The following PTPRN2 variants were observed in gnomAD, a reference collection of about 807,000 sequenced individuals.
PTPRN2 encodes the protein protein tyrosine phosphatase receptor type N2.
A neutral mutation model predicts 118.8 loss-of-function variants in PTPRN2; 74 were observed. The observed-to-expected ratio is 0.62, with a 90% CI of 0.52 to 0.76. PTPRN2 has a LOEUF of 0.76. Among genes scored for constraint, PTPRN2 ranks in the 30% least tolerant of loss-of-function variants. PTPRN2 has a pLI of 0.00. For missense variants in PTPRN2, 1,481 were observed against 1,394.4 expected (o/e 1.06, Z -0.99); for synonymous variants, 641 against 608.0 (o/e 1.05, Z -0.80).
intron 11 of PTPRN2, among the ~76,000 whole-genome samples, chr7:157,934,472 G>T (rs879684733): frequency 3.9e-5 from 6 of 152,208 alleles, no homozygotes; most frequent in Admixed American, 3.9e-4. Context: ...GAGTCAACTG[G>T]CACATCGGCT....
At chr7:157,952,865 G>C (rs908002458) in intron 11 of PTPRN2, among the ~76,000 whole-genome samples, 2 of 152,140 alleles carry the variant, frequency 1.3e-5, no homozygotes, top group Non-Finnish European at 2.9e-5. Context: ...GTGTCCCTGG[G>C]TACAGCAGAC....
At chr7:158,358,231 G>T (rs571204803) in intron 2 of PTPRN2, among the ~76,000 whole-genome samples, 2 of 152,170 alleles carry the variant, frequency 1.3e-5, no homozygotes, top group Non-Finnish European at 2.9e-5. Context: ...CCTTTCTTCC[G>T]GCCTGGTCTT....
In PTPRN2 at chr7:157,763,863, C is replaced by T. The variant is rs1290267172; in HGVS notation, c.1789-80926G>A. Among the ~76,000 whole-genome samples, 1 of 152,138 alleles carries T rather than the reference C, an allele frequency of 6.6e-6. No homozygotes were observed. Among genetic ancestry groups the T allele is most frequent in the African/African-American group, 2.4e-5 (1 of 41,440 alleles). ...TGCCCCATGTGGCTGCCCCATCCCCCAGAGCACCACGGTGCCCACCTTTTG... is the reference window on the plus strand; with the variant it reads ...TGCCCCATGTGGCTGCCCCATCCCCTAGAGCACCACGGTGCCCACCTTTTG... On this transcript the variant is annotated intron_variant, in intron 12 of 22. Coordinates refer to ENST00000389418, the MANE Select transcript of PTPRN2 (RefSeq NM_002847.5). The surrounding 1 kb of genome is among the most constrained non-coding windows in gnomAD (Gnocchi z 4.9).
chr7:157,860,316 G>A (rs1244610535), intron 12 of PTPRN2, among the ~76,000 whole-genome samples: 1 of 152,162 alleles, frequency 6.6e-6, no homozygotes, highest in Non-Finnish European at 1.5e-5. Context: ...CTCTCTCTAG[G>A]GATGTCCACG....
chr7:158,026,492 T>C (rs4716884), intron 11 of PTPRN2, among the ~76,000 whole-genome samples: 124,115 of 152,194 alleles, frequency 0.82, 51,155 homozygotes, highest in Non-Finnish European at 0.89. Context: ...GCTATATGCA[T>C]CCTTATTGAT....
In PTPRN2 at chr7:158,539,024, A is replaced by G. The variant is rs115437688; in HGVS notation, c.112+48534T>C. Among the ~76,000 whole-genome samples, 761 of 152,286 alleles carry G rather than the reference A, an allele frequency of 5.0e-3. 3 individuals carry two copies. The highest frequency in any genetic ancestry group is 0.018 in the African/African-American group (732 of 41,562). On this transcript the variant is annotated intron_variant, in intron 1 of 22. Coordinates refer to ENST00000389418, the MANE Select transcript of PTPRN2 (RefSeq NM_002847.5). ...ATGGAGGGGTTTCCCTTCACCCCTC[A>G]GCGCTCTGGAGGGAACGACAACTGC...
chr7:157,737,298 G>A (rs1430683374), intron 12 of PTPRN2, among the ~76,000 whole-genome samples: 1 of 152,172 alleles, frequency 6.6e-6, no homozygotes, highest in Non-Finnish European at 1.5e-5. Context: ...CTGTGTGGAC[G>A]CGGCCCCCAG....
At position 157,787,081 on chromosome 7, in the gene PTPRN2, ACGCGGGGG is replaced by A. The variant is rs1804097639; in HGVS notation, c.1789-104152_1789-104145del. Among the ~76,000 whole-genome samples the A allele has an allele frequency of 7.0e-5, 8 of 114,766 alleles. No homozygotes were observed. Among genetic ancestry groups the A allele is most frequent in the Admixed American group, 2.5e-4 (3 of 11,794 alleles). The allele number at this position is 114,766 out of a possible 152,430, so 75.3% of individuals were successfully genotyped here. On this transcript the variant is annotated intron_variant, in intron 12 of 22. Coordinates refer to ENST00000389418, the MANE Select transcript of PTPRN2 (RefSeq NM_002847.5). This position sits in a 1 kb window ranked among gnomAD's most constrained non-coding sequence, Gnocchi z 5.3. ...GAGGCGGACGCGGGTGCGGCGGGGG[ACGCGGGGG>A]TGGCTGCCCGGGAGGCGGACGCGGG...
intron 16 of PTPRN2, among the ~76,000 whole-genome samples, chr7:157,602,028 A>C (rs1801698073): frequency 1.3e-5 from 2 of 152,184 alleles, no homozygotes; most frequent in African/African-American, 4.8e-5. Context: ...GATGTTTTTG[A>C]ATTAGAATTG....
chr7:157,663,953 C>G (rs990508082), intron 13 of PTPRN2, among the ~76,000 whole-genome samples: 1 of 152,240 alleles, frequency 6.6e-6, no homozygotes. Context: ...GCCAACGAGA[C>G]AAACCTCACA....
intron 9 of PTPRN2, among the ~76,000 whole-genome samples, chr7:158,118,935 T>C (rs1249763910): frequency 6.6e-6 from 1 of 152,160 alleles, no homozygotes; most frequent in African/African-American, 2.4e-5. Context: ...GCTCCTGGGC[T>C]CAAGAAATCC....
intron 2 of PTPRN2, among the ~76,000 whole-genome samples, chr7:158,379,536 A>AG (rs1810797948): frequency 6.6e-6 from 1 of 151,898 alleles, no homozygotes; most frequent in Non-Finnish European, 1.5e-5. Context: ...CGAAAGACAA[A>AG]AACAACTCCG....
chr7:157,966,719 TTCA>T (rs1460987250), intron 11 of PTPRN2, among the ~76,000 whole-genome samples: 6 of 151,536 alleles, frequency 4.0e-5, no homozygotes, highest in African/African-American at 1.5e-4. Context: ...CACCATCATC[TTCA>T]TCACCACCAT....
At chr7:157,975,282 T>C (rs1255148015) in intron 11 of PTPRN2, among the ~76,000 whole-genome samples, 6 of 152,150 alleles carry the variant, frequency 3.9e-5, no homozygotes, top group Admixed American at 3.3e-4. Context: ...CCTGTATCCG[T>C]TTCTCTAACC....
At chr7:158,109,829 C>A (rs1248755096) in intron 10 of PTPRN2, among the ~76,000 whole-genome samples, 1 of 149,196 alleles carries the variant, frequency 6.7e-6, no homozygotes, top group Non-Finnish European at 1.5e-5. Flanking sequence ...TGATGTCACC[C>A]GTGTAAAGAG....
intron 1 of PTPRN2, among the ~76,000 whole-genome samples, chr7:158,562,469 T>C (rs1471510005): frequency 6.6e-6 from 1 of 152,112 alleles, no homozygotes; most frequent in African/African-American, 2.4e-5. Flanking sequence ...TACTCCTCCA[T>C]CTGCCCTTTA....
intron 11 of PTPRN2, among the ~76,000 whole-genome samples, chr7:157,899,339 G>A (rs1235354432): frequency 6.6e-6 from 1 of 152,156 alleles, no homozygotes; most frequent in Non-Finnish European, 1.5e-5. Flanking sequence ...CAAACCAAGG[G>A]AAATGAGCTC....
intron 2 of PTPRN2, among the ~76,000 whole-genome samples, chr7:158,402,246 G>A (rs1309111963): frequency 6.6e-6 from 1 of 152,176 alleles, no homozygotes; most frequent in Non-Finnish European, 1.5e-5. Context: ...AGGGTATACA[G>A]GTGCTGACTT....
rs147408951 is a variant in PTPRN2, at chr7:158,449,993, G to A, written c.163+39742C>T. On this transcript the variant is annotated intron_variant, in intron 2 of 22. Coordinates refer to ENST00000389418, the MANE Select transcript of PTPRN2 (RefSeq NM_002847.5). ...CAGACTGGGTGACTCACACAGAAAC[G>A]TCCTCATGGTCTGGAGGCTGGAAGT... Among the ~76,000 whole-genome samples the A allele has an allele frequency of 7.7e-3, 1,179 of 152,324 alleles. 21 individuals carry two copies. Among genetic ancestry groups the A allele is most frequent in the African/African-American group, 0.026 (1,090 of 41,576 alleles).
Sources: gnomAD v4.1 joint callset for allele counts (sites outside exome capture counted in the v4.1 genomes callset) on GRCh38, gnomAD v4.1.1 for gene constraint, Gnocchi (gnomAD v3.1) non-coding constraint, MANE v1.5 for transcripts, NCBI Gene and HGNC (gene_info 2026-07-23, HGNC 2026-07-21) for gene names.